The following PXDNL variants were observed in gnomAD, a reference collection of about 807,000 sequenced individuals.
PXDNL encodes peroxidasin like.
Under a neutral mutation model 150.8 loss-of-function variants are expected in PXDNL, and 145 were observed. The ratio of observed to expected loss-of-function variants is 0.96; its 90% CI spans 0.84 to 1.10. The LOEUF (loss-of-function observed/expected upper bound fraction) is 1.10, where lower values mean the gene tolerates loss of function less well. PXDNL is among the 50% of genes least tolerant of loss of function. The pLI, the probability that PXDNL is intolerant of heterozygous loss-of-function variation, is 0.00. For missense variants in PXDNL, 2,087 were observed against 1,873.9 expected, an observed-to-expected ratio of 1.11 and a Z score of -2.10; for synonymous variants, 757 against 725.7, an observed-to-expected ratio of 1.04 and a Z score of -0.69.
chr8:51,527,481 T>G (rs1319813642), intron 4 of PXDNL, among the ~76,000 whole-genome samples: 1 of 152,230 alleles, frequency 6.6e-6, no homozygotes, highest in Non-Finnish European at 1.5e-5. Context: ...CATTTCATGG[T>G]TGCCAAACAC....
At chr8:51,749,742 C>T (rs1382391546) in intron 1 of PXDNL, among the ~76,000 whole-genome samples, 1 of 152,138 alleles carries the variant, frequency 6.6e-6, no homozygotes, top group Non-Finnish European at 1.5e-5. Flanking sequence ...TACTCTGTTA[C>T]CAGGCTGGAG....
At chr8:51,574,423 T>G (rs6985989) in intron 3 of PXDNL, among the ~76,000 whole-genome samples, 69,476 of 151,226 alleles carry the variant, frequency 0.46, 20,484 homozygotes, top group African/African-American at 0.84. Flanking sequence ...GGGACTTGTG[T>G]GACCATAACA....
At chr8:51,453,372 A>G (rs1431600193) in intron 10 of PXDNL, 147 bp downstream of exon 10, 4 of 908,772 alleles carry the variant, frequency 4.4e-6, no homozygotes, top group African/African-American at 3.4e-5. Context: ...CTTGAAACAG[A>G]TTAGCTTTGA....
At chr8:51,558,677 T>C (rs1034089515) in intron 3 of PXDNL, among the ~76,000 whole-genome samples, 2 of 152,128 alleles carry the variant, frequency 1.3e-5, no homozygotes, top group African/African-American at 4.8e-5. Context: ...TAGACTGTTA[T>C]ATTGTAGAAA....
At chr8:51,492,909 C>T (rs1355517634) in intron 5 of PXDNL, among the ~76,000 whole-genome samples, 1 of 152,186 alleles carries the variant, frequency 6.6e-6, no homozygotes, top group African/African-American at 2.4e-5. Flanking sequence ...TTAAATGTCC[C>T]TGTCTGACAG....
At position 51,332,252 on chromosome 8, in the gene PXDNL, G is replaced by A. The variant is rs540124422; in HGVS notation, c.4146+7372C>T. Among the ~76,000 whole-genome samples, 257 of 152,276 alleles carry A rather than the reference G, an allele frequency of 1.7e-3. 2 individuals carry two copies. Among genetic ancestry groups the A allele is most frequent in the Admixed American group, 3.7e-3 (57 of 15,284 alleles). On this transcript the variant is annotated intron_variant, in intron 21 of 22. Coordinates refer to ENST00000356297, the MANE Select transcript of PXDNL (RefSeq NM_144651.5). ...AACAATCACTGCAGTTCAGCTCACA[G>A]GAAGCCACAACCATGGGAAAAGGGG...
chr8:51,383,560 G>A (rs933738922), intron 17 of PXDNL, among the ~76,000 whole-genome samples: 2 of 152,050 alleles, frequency 1.3e-5, no homozygotes, highest in Non-Finnish European at 2.9e-5. Flanking sequence ...CCCAAAGCAG[G>A]GCTGCAAACT....
At chr8:51,466,051 T>C (rs943555484) in intron 8 of PXDNL, among the ~76,000 whole-genome samples, 2 of 151,940 alleles carry the variant, frequency 1.3e-5, no homozygotes, top group Non-Finnish European at 2.9e-5. Context: ...AAAAAACCTA[T>C]TCTAAAATTC....
intron 17 of PXDNL, among the ~76,000 whole-genome samples, chr8:51,386,451 G>T: frequency 6.6e-6 from 1 of 152,086 alleles, no homozygotes; most frequent in South Asian, 2.1e-4. Context: ...GCAGTAGTAA[G>T]ATAGATAGAT....
intron 1 of PXDNL, among the ~76,000 whole-genome samples, chr8:51,690,759 T>C (rs1396472521): frequency 6.6e-6 from 1 of 151,200 alleles, no homozygotes; most frequent in African/African-American, 2.4e-5. Context: ...ACTTCCACAA[T>C]GGTTGAACTA....
At chr8:51,728,491 G>A (rs1816859519) in intron 1 of PXDNL, among the ~76,000 whole-genome samples, 1 of 152,110 alleles carries the variant, frequency 6.6e-6, no homozygotes, top group South Asian at 2.1e-4. Flanking sequence ...ACAAGATACG[G>A]AGGTGGAAGA....
chr8:51,801,131 G>C (rs1444831832), intron 1 of PXDNL, among the ~76,000 whole-genome samples: 1 of 152,118 alleles, frequency 6.6e-6, no homozygotes, highest in Non-Finnish European at 1.5e-5. Flanking sequence ...TAAGACCCTA[G>C]GAAAAGAATT....
At chr8:51,608,420 G>A (rs1813918034) in intron 2 of PXDNL, among the ~76,000 whole-genome samples, 2 of 146,884 alleles carry the variant, frequency 1.4e-5, no homozygotes, top group African/African-American at 5.3e-5. Context: ...AAGGAAGGAA[G>A]GAAGAAAGAA....
At chr8:51,686,587 A>C (rs916118944) in intron 1 of PXDNL, among the ~76,000 whole-genome samples, 4 of 152,242 alleles carry the variant, frequency 2.6e-5, no homozygotes, top group Admixed American at 2.6e-4. Context: ...AGTTTTTATA[A>C]TCGTGTTGCT....
At chr8:51,700,675 AAC>A (rs199983824) in intron 1 of PXDNL, among the ~76,000 whole-genome samples, 3,533 of 151,450 alleles carry the variant, frequency 0.023, 57 homozygotes, top group Middle Eastern at 0.059. Context: ...AACATACATA[AAC>A]ACACACATGC....
intron 4 of PXDNL, among the ~76,000 whole-genome samples, chr8:51,547,670 A>G (rs765383277): frequency 3.3e-5 from 5 of 152,200 alleles, no homozygotes; most frequent in Non-Finnish European, 5.9e-5. Context: ...GGATCACCCC[A>G]TGGGACAAGA....
chr8:51,437,105 T>C (rs1383228982), intron 12 of PXDNL, among the ~76,000 whole-genome samples: 2 of 152,120 alleles, frequency 1.3e-5, no homozygotes, highest in Non-Finnish European at 2.9e-5. Flanking sequence ...CTAGAGGAGA[T>C]GGATATATTC....
At chr8:51,429,714 A>G (rs1279480536) in intron 12 of PXDNL, among the ~76,000 whole-genome samples, 1 of 134,606 alleles carries the variant, frequency 7.4e-6, no homozygotes, top group Non-Finnish European at 1.5e-5. Context: ...TTTATGAGAC[A>G]TGGTCTCACT....
chr8:51,357,032 T>G (rs1806530922), intron 19 of PXDNL, among the ~76,000 whole-genome samples: 1 of 152,164 alleles, frequency 6.6e-6, no homozygotes, highest in Non-Finnish European at 1.5e-5. Context: ...TGAGTCAACT[T>G]GTAAGTTGTT....
Sources: allele counts gnomAD v4.1 joint callset (sites outside exome capture counted in the v4.1 genomes callset), GRCh38; gene constraint gnomAD v4.1.1; transcripts MANE v1.5; gene names NCBI Gene and HGNC (gene_info 2026-07-23, HGNC 2026-07-21).